The following ZNF841 variants were observed in gnomAD, a reference collection of about 807,000 sequenced individuals.
The protein encoded by ZNF841 is zinc finger protein 841, also known as TCONS_00006091.
Under a neutral mutation model 13.0 loss-of-function variants are expected in ZNF841, and 11 were observed. That is an observed-to-expected ratio of 0.85 (90% confidence interval 0.53 to 1.40). The LOEUF is 1.40. ZNF841 is among the 40% of genes most tolerant of loss of function. The pLI is 0.00. For synonymous variants in ZNF841, 369 were observed against 381.6 expected (o/e 0.97, Z 0.38); for missense variants, 1,068 against 1,139.5 (o/e 0.94, Z 0.90).
intron 6 of ZNF841, among the ~76,000 whole-genome samples, chr19:52,067,841 C>T (rs545423234): frequency 1.3e-5 from 2 of 152,170 alleles, no homozygotes; most frequent in East Asian, 1.9e-4. Context: ...AAACATCCTT[C>T]GACCAAAAGA....
rs568850363 is a variant in ZNF841, at chr19:52,089,212, G to T, written c.-143-210C>A. On this transcript the variant is annotated intron_variant, in intron 2 of 6. Transcript: ENST00000594440. ...TTTATGACAACTTTAGGAAGGTAAA[G>T]GATCTAAAGCTGGAGAGTTTGATGC... is the stretch of plus-strand genomic sequence containing the variant. 1.4e-4 allele frequency among the ~76,000 whole-genome samples: 22 copies of T among 152,324 alleles called. 1 individual carries two copies. The highest frequency in any genetic ancestry group is 5.1e-4 in the African/African-American group (21 of 41,570).
At chr19:52,078,993 G>A (rs2088002369) in intron 4 of ZNF841, among the ~76,000 whole-genome samples, 1 of 152,012 alleles carries the variant, frequency 6.6e-6, no homozygotes, top group Non-Finnish European at 1.5e-5. Flanking sequence ...TCTTAGACAT[G>A]TATGTTTTAG....
intron 6 of ZNF841, among the ~76,000 whole-genome samples, chr19:52,071,388 C>T (rs751166021): frequency 2.6e-5 from 4 of 152,050 alleles, no homozygotes; most frequent in Non-Finnish European, 5.9e-5. Flanking sequence ...TGTACACACA[C>T]AAAGACACCA....
downstream of ZNF841, among the ~76,000 whole-genome samples, chr19:52,060,613 C>T (rs774374866): frequency 1.3e-5 from 2 of 151,802 alleles, no homozygotes; most frequent in Non-Finnish European, 2.9e-5. Flanking sequence ...TTGAGGGGAA[C>T]TGACTGGGGC....
intron 6 of ZNF841, among the ~76,000 whole-genome samples, chr19:52,068,786 CA>C (rs1304552163): frequency 6.6e-6 from 1 of 151,876 alleles, no homozygotes; most frequent in Non-Finnish European, 1.5e-5. Context: ...GCCAGGCCAA[CA>C]TGGTGAAACC....
intron 4 of ZNF841, among the ~76,000 whole-genome samples, chr19:52,081,590 C>T (rs1311687934): frequency 1.3e-5 from 2 of 152,246 alleles, no homozygotes; most frequent in African/African-American, 2.4e-5. Flanking sequence ...CCGTGGCTCA[C>T]GCCTGTAATT....
rs2087550497 is a variant in ZNF841, at chr19:52,066,111, G to A, written c.1771C>T (p.His591Tyr). 1 of 1,614,144 alleles carries A rather than the reference G, an allele frequency of 6.2e-7. No individual in the cohort carries two copies. Among genetic ancestry groups the A allele is most frequent in the Admixed American group, 1.7e-5 (1 of 60,026 alleles). ...YSCLARHQRM[H>Y]TGEKPYKCNV... ...CATTTGTAAGGTTTCTCTCCGGTAT[G>A]CATTCTTTGATGACGTGCTAGGCAT... Residue 591 changes from histidine to tyrosine, a missense_variant, in exon 7 of 7, where the codon CAT becomes TAT. Physicochemically the swap from His to Tyr is moderately conservative, Grantham distance 83. Coordinates refer to ENST00000594440, the MANE Select transcript of ZNF841 (RefSeq NM_001136499.2).
chr19:52,063,851 C>T (rs527292552), downstream of ZNF841: 1 of 152,294 alleles, frequency 6.6e-6, no homozygotes, highest in African/African-American at 2.4e-5. Context: ...CGATTTCTTT[C>T]CAATATAAAC....
intron 4 of ZNF841, among the ~76,000 whole-genome samples, chr19:52,079,432 A>T (rs1271208468): frequency 5.1e-4 from 38 of 74,888 alleles, no homozygotes; most frequent in East Asian, 2.8e-3. Context: ...GGAAATCTGT[A>T]AAAAAAAAAA....
Position 52,066,640 on chromosome 19 carries a change from T to C in ZNF841, c.1242A>G (p.Ser414=), listed in dbSNP as rs752019423. ...NECGKTFKRN[S]SLTAHHIIHA... ...GGATTATATGATGTGCAGTGAGGCTTGAGTTCCGTTTAAAGGTTTTGCCAC... is the reference window on the plus strand; with the variant it reads ...GGATTATATGATGTGCAGTGAGGCTCGAGTTCCGTTTAAAGGTTTTGCCAC... The change falls in exon 7 of 7, where the codon TCA becomes TCG. Residue 414 remains serine (S), a synonymous_variant. Coordinates refer to ENST00000594440, the MANE Select transcript of ZNF841 (RefSeq NM_001136499.2). The C allele has an allele frequency of 5.0e-6, 8 of 1,613,286 alleles. No homozygotes were observed. The African/African-American group carries it at 8.0e-5, about 16-fold the overall frequency.
Position 52,065,540 on chromosome 19 carries a change from G to A in ZNF841, c.2342C>T (p.Ala781Val), listed in dbSNP as rs1334690546. Residue 781 changes from alanine (A) to valine (V), a missense_variant, in exon 7 of 7, where the codon GCA (alanine) becomes GTA (valine). Transcript: ENST00000594440. ...GKVFRYRSGLARHWSIHTGEK... is the reference protein window; with the variant it reads ...GKVFRYRSGLVRHWSIHTGEK... ...TCCAGTATGAATACTCCAATGACGTGCGAGGCCTGAGCGATAACGGAAGAC... is the reference window on the plus strand; with the variant it reads ...TCCAGTATGAATACTCCAATGACGTACGAGGCCTGAGCGATAACGGAAGAC... The A allele has an allele frequency of 1.2e-6, 2 of 1,613,910 alleles. No homozygotes were observed. The highest frequency in any genetic ancestry group is 1.7e-6 in the Non-Finnish European group (2 of 1,180,002).
intron 2 of ZNF841, 128 bp downstream of exon 2, chr19:52,093,718 A>G (rs534480647): frequency 6.6e-6 from 1 of 152,368 alleles, no homozygotes; most frequent in African/African-American, 2.4e-5. Flanking sequence ...ACTATAGGAA[A>G]GAAGCAATTG....
Position 52,065,247 on chromosome 19 carries a change from A to C in ZNF841, c.2635T>G (p.Cys879Gly). Residue 879 changes from cysteine to glycine, a missense_variant, in exon 7 of 7, where the codon TGT becomes GGT. Coordinates refer to ENST00000594440, the MANE Select transcript of ZNF841 (RefSeq NM_001136499.2). ...ATGTAAGATTTGCCACACTCATTAC[A>C]TTTATAAGGTTTTTCACTAGAATGA... The part of the protein sequence containing the change: ...RIHSSEKPYK[C>G]NECGKSYISR... The C allele has an allele frequency of 6.2e-7, 1 of 1,614,018 alleles. No homozygotes were observed. The highest frequency in any genetic ancestry group is 1.1e-5 in the South Asian group (1 of 91,058).
At chr19:52,076,417 C>A (rs911366063) in intron 5 of ZNF841, 11 of 397,920 alleles carry the variant, frequency 2.8e-5, no homozygotes, top group African/African-American at 2.2e-4. Context: ...AATCTCAGCA[C>A]TTTGGGAGGC....
At position 52,067,492 on chromosome 19, in the gene ZNF841, G is replaced by A; in HGVS notation, c.390C>T (p.Tyr130=). 6.3e-7 allele frequency: 1 copy of A among 1,574,976 alleles called. No individual in the cohort carries two copies. Among genetic ancestry groups the A allele is most frequent in the Non-Finnish European group, 8.6e-7 (1 of 1,158,266 alleles). ...GTAGATTTTTCCGGATTTCCCTGAA[G>A]TAAAAATTTTCAGTGTCATAGCTTT... is the stretch of plus-strand genomic sequence containing the variant. ...GHESYDTENF[Y]FREIRKNLQE... The change falls in exon 7 of 7, where the codon TAC becomes TAT. Residue 130 remains tyrosine (Y), a synonymous_variant. Coordinates refer to ENST00000594440, the MANE Select transcript of ZNF841 (RefSeq NM_001136499.2).
intron 1 of ZNF841, among the ~76,000 whole-genome samples, chr19:52,094,555 TTCCCCCATCTAAGC>T (rs1197656644): frequency 6.6e-6 from 1 of 152,050 alleles, no homozygotes; most frequent in African/African-American, 2.4e-5. Flanking sequence ...TCTGCCTCTT[TTCCCCCATCTAAGC>T]TCCCTCTCTG....
chr19:52,082,791 A>T (rs1420899331), intron 4 of ZNF841, among the ~76,000 whole-genome samples: 3 of 152,208 alleles, frequency 2.0e-5, no homozygotes, highest in Non-Finnish European at 2.9e-5. Flanking sequence ...AAAAACATGT[A>T]CATTTCAGGC....
intron 1 of ZNF841, among the ~76,000 whole-genome samples, chr19:52,094,371 C>T (rs1211482330): frequency 6.6e-6 from 1 of 152,124 alleles, no homozygotes; most frequent in Non-Finnish European, 1.5e-5. Flanking sequence ...GCTTTCTTCA[C>T]GGCTATGTGT....
At chr19:52,074,635 GC>G (rs1353397915) in intron 6 of ZNF841, among the ~76,000 whole-genome samples, 17 of 152,228 alleles carry the variant, frequency 1.1e-4, no homozygotes, top group African/African-American at 4.1e-4. Context: ...TCCTGCCTCA[GC>G]CCCCCGAGTA....
Sources: gnomAD v4.1 joint callset for allele counts (sites outside exome capture counted in the v4.1 genomes callset) on GRCh38, gnomAD v4.1.1 for gene constraint, MANE v1.5 for transcripts, NCBI Gene and HGNC (gene_info 2026-07-23, HGNC 2026-07-21) for gene names.